The following KEAP1 variants were observed in gnomAD, a reference collection of about 807,000 sequenced individuals.
The protein encoded by KEAP1 is kelch like ECH associated protein 1, also known as kelch-like ECH-associated protein 1.
Under a neutral mutation model 59.7 loss-of-function variants are expected in KEAP1, and 26 were observed. The ratio of observed to expected loss-of-function variants is 0.44; its 90% confidence interval spans 0.32 to 0.60. The LOEUF (loss-of-function observed/expected upper bound fraction) is 0.60, where lower values mean the gene tolerates loss of function less well. Among genes scored for constraint, KEAP1 ranks in the 20% least tolerant of loss-of-function variants. KEAP1 has a pLI of 0.06. For synonymous variants in KEAP1, 350 were observed against 358.3 expected, an observed-to-expected ratio of 0.98 and a Z score of 0.26; for missense variants, 539 against 871.4, an observed-to-expected ratio of 0.62 and a Z score of 4.80.
At chr19:10,488,696 G>A (rs1029631833) in intron 5 of KEAP1, among the ~76,000 whole-genome samples, 4 of 152,092 alleles carry the variant, frequency 2.6e-5, no homozygotes, top group African/African-American at 9.7e-5. Flanking sequence ...ACTTTGGGAG[G>A]CCGAGGCAGG....
intron 5 of KEAP1, among the ~76,000 whole-genome samples, chr19:10,488,737 C>G (rs1182667957): frequency 6.6e-6 from 1 of 152,096 alleles, no homozygotes; most frequent in East Asian, 1.9e-4. Context: ...TCGAGACCAT[C>G]CTGGCCAACA....
At position 10,486,431 on chromosome 19, in the gene KEAP1, C is replaced by G. The variant is rs2144576183; in HGVS notation, c.*221G>C. 2 of 531,030 alleles carry G rather than the reference C, an allele frequency of 3.8e-6. No individual in the cohort carries two copies. Among genetic ancestry groups the G allele is most frequent in the East Asian group, 3.3e-5 (1 of 30,126 alleles). 32.9% of individuals were successfully genotyped at this position (531,030 alleles called of 1,614,324 possible). A position where few individuals can be genotyped will look rare whatever the true frequency, so the allele number is the denominator to read the frequency against. On this transcript the variant is annotated 3_prime_UTR_variant, in exon 6 of 6. Transcript: ENST00000171111. Reference sequence around the variant, plus strand: ...GCCTGCTCTTTCCACACCCCCTTTCCCAGCCAGGCTGTCTTGGACACTCCC... The same window carrying G: ...GCCTGCTCTTTCCACACCCCCTTTCGCAGCCAGGCTGTCTTGGACACTCCC...
At chr19:10,495,755 G>A (rs889894107) in intron 2 of KEAP1, among the ~76,000 whole-genome samples, 1 of 151,812 alleles carries the variant, frequency 6.6e-6, no homozygotes, top group Non-Finnish European at 1.5e-5. Flanking sequence ...ATTTTGATCC[G>A]ACCACTTCGT....
At chr19:10,490,829 C>A (rs1914645244) in intron 3 of KEAP1, 1 of 152,170 alleles carries the variant, frequency 6.6e-6, no homozygotes, top group Non-Finnish European at 1.5e-5. Context: ...ATCTGATAAA[C>A]CCCTAGTGGC....
Position 10,499,944 on chromosome 19 carries a change from C to A in KEAP1, c.90G>T (p.Ala30=). 6.2e-7 allele frequency: 1 copy of A among 1,609,138 alleles called. No homozygotes were observed. The highest frequency in any genetic ancestry group is 8.5e-7 in the Non-Finnish European group (1 of 1,176,738). The change falls in exon 2 of 6, where the codon GCG becomes GCT. Residue 30 remains alanine (A), a synonymous_variant. Transcript: ENST00000171111. This position sits in a 1 kb window ranked among gnomAD's most constrained non-coding sequence, Gnocchi z 6.7. ...TGCACTCAGTGGAGGCGTACATCAC[C>A]GCGTCCCCTGCCCCCTCAGGGCACT... ...QSQCPEGAGD[A]VMYASTECKA...
At chr19:10,501,705 TG>T (rs1915052373) in intron 1 of KEAP1, among the ~76,000 whole-genome samples, 1 of 151,986 alleles carries the variant, frequency 6.6e-6, no homozygotes, top group Non-Finnish European at 1.5e-5. Flanking sequence ...GCCACCACGA[TG>T]GGCTAATTTT....
rs1914949199 is a variant in KEAP1 at position 10,499,066 on chromosome 19, C to T, written c.639+329G>A. ...GCCAGGCTGGTCTTGAACTCCTTACCTCAGGTGATCCACCTGCCTCGGCCT... is the reference window on the plus strand; with the variant it reads ...GCCAGGCTGGTCTTGAACTCCTTACTTCAGGTGATCCACCTGCCTCGGCCT... On this transcript the variant is annotated intron_variant, in intron 2 of 5. Coordinates refer to ENST00000171111, the MANE Select transcript of KEAP1 (RefSeq NM_203500.2). This position sits in a 1 kb window ranked among gnomAD's most constrained non-coding sequence, Gnocchi z 6.7. 6.6e-6 allele frequency among the ~76,000 whole-genome samples: 1 copy of T among 152,118 alleles called. No individual in the cohort carries two copies. The highest frequency in any genetic ancestry group is 1.5e-5 in the Non-Finnish European group (1 of 68,022).
rs1568396802 is a variant in KEAP1 at position 10,489,197 on chromosome 19, A to G, written c.1703T>C (p.Val568Ala). ...CCCCGCCCCCAGGGCCTCACCAAGG[A>G]CGTAGATTCTCCCCTGGTGGACAGT... ...GITVHQGRIY[V>A]LGGYDGHTFL... Residue 568 changes from valine to alanine, a missense_variant, in exon 5 of 6, where the codon GTC becomes GCC. Coordinates refer to ENST00000171111, the MANE Select transcript of KEAP1 (RefSeq NM_203500.2). The G allele has an allele frequency of 6.2e-7, 1 of 1,611,002 alleles. No individual in the cohort carries two copies. Among genetic ancestry groups the G allele is most frequent in the Non-Finnish European group, 8.5e-7 (1 of 1,179,508 alleles).
At chr19:10,488,915 T>C (rs1599481142) in intron 5 of KEAP1, among the ~76,000 whole-genome samples, 1 of 151,024 alleles carries the variant, frequency 6.6e-6, no homozygotes, top group East Asian at 2.0e-4. Flanking sequence ...TGGGCAACAC[T>C]GTGAGACACC....
In KEAP1 at chr19:10,489,404, G is replaced by A. The variant is rs2144588123; in HGVS notation, c.1532-36C>T. 1.9e-6 allele frequency: 3 copies of A among 1,585,880 alleles called. No homozygotes were observed. The Admixed American group carries it at 5.2e-5, about 28-fold the overall frequency. Reference sequence around the variant, plus strand: ...CCATGCAGAGAAGGTGACTCTGGGGGTCTGGCTTTGGGAACCCCAGCCATC... The same window carrying A: ...CCATGCAGAGAAGGTGACTCTGGGGATCTGGCTTTGGGAACCCCAGCCATC... On this transcript the variant is annotated intron_variant, in intron 4 of 5. Coordinates refer to ENST00000171111, the MANE Select transcript of KEAP1 (RefSeq NM_203500.2).
At chr19:10,497,084 A>G (rs1914876036) in intron 2 of KEAP1, among the ~76,000 whole-genome samples, 1 of 151,824 alleles carries the variant, frequency 6.6e-6, no homozygotes, top group Non-Finnish European at 1.5e-5. Flanking sequence ...ATACAGTGCC[A>G]CTGCATGCCA....
chr19:10,494,657 CTTTTT>C (rs111799495), intron 2 of KEAP1, among the ~76,000 whole-genome samples: 1 of 110,980 alleles, frequency 9.0e-6, no homozygotes, highest in African/African-American at 3.4e-5. Context: ...CTGTTTGTTT[CTTTTT>C]TTTTTTTTTT....
Position 10,491,570 on chromosome 19 carries a change from C to T in KEAP1, c.1325+7G>A, listed in dbSNP as rs1188411127. 6.6e-7 allele frequency: 1 copy of T among 1,508,044 alleles called. No homozygotes were observed. Among genetic ancestry groups the T allele is most frequent in the Non-Finnish European group, 8.9e-7 (1 of 1,128,606 alleles). 93.4% of individuals were successfully genotyped at this position (1,508,044 alleles called of 1,614,324 possible). On this transcript the variant is annotated splice_region_variant and intron_variant, in intron 3 of 5. Coordinates refer to ENST00000171111, the MANE Select transcript of KEAP1 (RefSeq NM_203500.2). The surrounding 1 kb of genome is among the most constrained non-coding windows in gnomAD (Gnocchi z 5.2). ...CTCCGAGCCCACCCCCAGGCCCTGC[C>T]ACTCACCTCTCCACACTGTTGTGGT...
chr19:10,501,097 G>A (rs1367959910), intron 1 of KEAP1, among the ~76,000 whole-genome samples: 1 of 152,178 alleles, frequency 6.6e-6, no homozygotes, highest in Non-Finnish European at 1.5e-5. Context: ...TTTCCAGGCA[G>A]AGGAAACAGT....
At position 10,486,637 on chromosome 19, in the gene KEAP1, A is replaced by G. The variant is rs1231410515; in HGVS notation, c.*15T>C. ...CCCCATTGGACTGTATTTTTGCCCA[A>G]GAAACAAAAGTGCCTCAACAGGTAC... On this transcript the variant is annotated 3_prime_UTR_variant, in exon 6 of 6. Coordinates refer to ENST00000171111, the MANE Select transcript of KEAP1 (RefSeq NM_203500.2). 2 of 1,610,608 alleles carry G rather than the reference A, an allele frequency of 1.2e-6. No homozygotes were observed. Among genetic ancestry groups the G allele is most frequent in the Non-Finnish European group, 1.7e-6 (2 of 1,178,544 alleles).
Position 10,486,312 on chromosome 19 carries a change from C to A in KEAP1, c.*340G>T, listed in dbSNP as rs45524632. The A allele has an allele frequency of 0.014, 3,796 of 269,708 alleles. 31 individuals are homozygous for A. The highest frequency in any genetic ancestry group is 0.022 in the Non-Finnish European group (3,050 of 141,814). 16.7% of individuals were successfully genotyped at this position (269,708 alleles called of 1,614,324 possible). On this transcript the variant is annotated 3_prime_UTR_variant, in exon 6 of 6. Transcript: ENST00000171111. Reference sequence around the variant, plus strand: ...CCCCATTGGCCCCCTCCCAGGTATCCAAGAATAAATCACATGGTGACAGCT... The same window carrying A: ...CCCCATTGGCCCCCTCCCAGGTATCAAAGAATAAATCACATGGTGACAGCT...
rs193084499 is a variant in KEAP1, at chr19:10,498,639, C to T, written c.639+756G>A. 8.5e-5 allele frequency among the ~76,000 whole-genome samples: 13 copies of T among 152,278 alleles called. No individual in the cohort carries two copies. The East Asian group carries it at 1.2e-3, about 14-fold the overall frequency. Reference sequence around the variant, plus strand: ...CAGACTTACAGCTTGCAGCCTGTCACGGGTGTCCAATAAACATTTGCTGAC... The same window carrying T: ...CAGACTTACAGCTTGCAGCCTGTCATGGGTGTCCAATAAACATTTGCTGAC... On this transcript the variant is annotated intron_variant, in intron 2 of 5. Transcript: ENST00000171111.
rs759895804 is a variant in KEAP1, at chr19:10,491,603, G to T, written c.1299C>A (p.Gly433=). 1 of 1,576,522 alleles carries T rather than the reference G, an allele frequency of 6.3e-7. No homozygotes were observed. The highest frequency in any genetic ancestry group is 1.2e-5 in the South Asian group (1 of 84,836). ...GHIYAVGGSH[G]CIHHNSVERY... ...TCTCCACACTGTTGTGGTGGATGCA[G>T]CCGTGGGAGCCGCCGACGGCATAGA... The change falls in exon 3 of 6, where the codon GGC becomes GGA. Residue 433 remains glycine (G), a synonymous_variant. Transcript: ENST00000171111. This position sits in a 1 kb window ranked among gnomAD's most constrained non-coding sequence, Gnocchi z 5.2.
rs1568397381 is a variant in KEAP1, at chr19:10,489,949, TC to T, written c.1326-97del. On this transcript the variant is annotated intron_variant, in intron 3 of 5. Coordinates refer to ENST00000171111, the MANE Select transcript of KEAP1 (RefSeq NM_203500.2). ...ATACTCTTTTTTTTCCTTTTTTTTT[TC>T]CCCCTTAAAGAGACAGGTTCATCCG... 6.6e-6 allele frequency: 8 copies of T among 1,220,710 alleles called. No homozygotes were observed. The East Asian group carries it at 7.7e-5, about 12-fold the overall frequency. 75.6% of individuals were successfully genotyped at this position (1,220,710 alleles called of 1,614,324 possible). A position where few individuals can be genotyped will look rare whatever the true frequency, so the allele number is the denominator to read the frequency against.
Sources: gnomAD v4.1 joint callset for allele counts (sites outside exome capture counted in the v4.1 genomes callset) on GRCh38, gnomAD v4.1.1 for gene constraint, Gnocchi (gnomAD v3.1) non-coding constraint, MANE v1.5 for transcripts, NCBI Gene and HGNC (gene_info 2026-07-23, HGNC 2026-07-21) for gene names.